The following CPEB3 variants were observed in gnomAD, a reference collection of about 807,000 sequenced individuals.
The protein encoded by CPEB3 is cytoplasmic polyadenylation element-binding protein 3.
CPEB3 carries 20 observed loss-of-function variants against 67.2 expected under a neutral mutation model. The observed-to-expected ratio is 0.30, with a 90% CI of 0.21 to 0.43. The LOEUF (loss-of-function observed/expected upper bound fraction) is 0.43. Ranked by LOEUF, CPEB3 falls within the 20% of genes least tolerant of loss-of-function variation. The pLI, the probability that CPEB3 is intolerant of heterozygous loss-of-function variation, is 1.00. For synonymous variants in CPEB3, 376 were observed against 393.1 expected (o/e 0.96, Z 0.51); for missense variants, 746 against 968.6 (o/e 0.77, Z 3.05).
chr10:92,143,130 A>G lies in CPEB3; in HGVS notation c.1364-12T>C. The G allele has an allele frequency of 6.2e-7, 1 of 1,603,044 alleles. No individual in the cohort carries two copies. Reference sequence around the variant, plus strand: ...GGCAGTGATCTCATCTACAAAACAAAGAAAGAATCTTAGCAAAAGAGAAAA... The same window carrying G: ...GGCAGTGATCTCATCTACAAAACAAGGAAAGAATCTTAGCAAAAGAGAAAA... On this transcript the variant is annotated splice_polypyrimidine_tract_variant and intron_variant, in intron 5 of 9. Transcript: ENST00000265997.
intron 1 of CPEB3, among the ~76,000 whole-genome samples, chr10:92,287,115 AATATCATTT>A (rs1249385345): frequency 4.0e-5 from 6 of 151,714 alleles, no homozygotes; most frequent in African/African-American, 7.2e-5. Context: ...CTCTTGGCTG[AATATCATTT>A]ATCATAGACT....
intron 6 of CPEB3, among the ~76,000 whole-genome samples, chr10:92,116,384 G>A (rs1845032087): frequency 6.6e-6 from 1 of 151,932 alleles, no homozygotes; most frequent in Non-Finnish European, 1.5e-5. Context: ...ATGACAGGCT[G>A]AATATTACTG....
intron 4 of CPEB3, among the ~76,000 whole-genome samples, chr10:92,166,324 G>A (rs1282208520): frequency 2.0e-5 from 3 of 152,004 alleles, no homozygotes; most frequent in African/African-American, 7.3e-5. Context: ...GACCAGGCTG[G>A]TCTCAAACTC....
chr10:92,121,539 A>C (rs966168265), intron 6 of CPEB3, among the ~76,000 whole-genome samples: 2 of 151,610 alleles, frequency 1.3e-5, no homozygotes, highest in Non-Finnish European at 2.9e-5. Context: ...TTTAAATAAA[A>C]ATTTGTGGAA....
intron 1 of CPEB3, among the ~76,000 whole-genome samples, chr10:92,284,544 C>T (rs922096601): frequency 3.9e-5 from 6 of 152,008 alleles, no homozygotes; most frequent in South Asian, 2.1e-4. Flanking sequence ...CATTTGTACA[C>T]GCTGTTCTTT....
intron 9 of CPEB3, among the ~76,000 whole-genome samples, chr10:92,079,070 A>G (rs1419527679): frequency 6.6e-6 from 1 of 152,138 alleles, no homozygotes; most frequent in Non-Finnish European, 1.5e-5. Flanking sequence ...AGAAAAAAGA[A>G]AGCTACTTCC....
intron 7 of CPEB3, among the ~76,000 whole-genome samples, chr10:92,104,934 G>T (rs191940479): frequency 1.3e-5 from 2 of 151,632 alleles, no homozygotes; most frequent in Admixed American, 1.3e-4. Context: ...CAGGGGTCTC[G>T]CTGTTGCCTA....
At chr10:92,118,596 G>T in intron 6 of CPEB3, 1 of 380,084 alleles carries the variant, frequency 2.6e-6, no homozygotes, top group East Asian at 5.6e-5. Context: ...AAAAAGCCTA[G>T]GGAACTGTCT....
At chr10:92,118,171 G>A (rs1304577831) in intron 6 of CPEB3, among the ~76,000 whole-genome samples, 1 of 152,112 alleles carries the variant, frequency 6.6e-6, no homozygotes, top group Non-Finnish European at 1.5e-5. Flanking sequence ...CGCTCTTGTT[G>A]CCCAGGCTGG....
rs1847467727 is a variant in CPEB3, at chr10:92,161,366, G to C, written c.1223-16281C>G. On this transcript the variant is annotated intron_variant, in intron 4 of 9. Transcript: ENST00000265997. ...GGCTCACTGCAACCTCTGCCTCCTG[G>C]ATTCAACCGATTCTCCTGCCTCAGC... is the stretch of plus-strand genomic sequence containing the variant. 2.0e-5 allele frequency among the ~76,000 whole-genome samples: 3 copies of C among 152,026 alleles called. No individual in the cohort carries two copies. In the South Asian group the frequency reaches 6.2e-4, roughly 32 times the overall value.
intron 2 of CPEB3, among the ~76,000 whole-genome samples, chr10:92,196,946 G>C (rs968986848): frequency 4.6e-5 from 7 of 151,586 alleles, no homozygotes; most frequent in African/African-American, 9.7e-5. Context: ...AAAAAAAAAG[G>C]GTAGGGGATA....
At chr10:92,173,714 T>G (rs1253008545) in intron 4 of CPEB3, among the ~76,000 whole-genome samples, 1 of 152,190 alleles carries the variant, frequency 6.6e-6, no homozygotes, top group Non-Finnish European at 1.5e-5. Context: ...AGCTTTCCAG[T>G]CTGTAAAATG....
intron 2 of CPEB3, among the ~76,000 whole-genome samples, chr10:92,206,186 C>A (rs1372091571): frequency 6.6e-6 from 1 of 151,866 alleles, no homozygotes; most frequent in Admixed American, 6.6e-5. Flanking sequence ...ATTCTCCTGC[C>A]TCAGCCTCCC....
At chr10:92,080,786 G>A (rs61875186) in intron 9 of CPEB3, among the ~76,000 whole-genome samples, 7,132 of 151,814 alleles carry the variant, frequency 0.047, 251 homozygotes, top group Non-Finnish European at 0.068. Context: ...TAGTAGAGAC[G>A]GGGTTTCACC....
chr10:92,171,375 C>T (rs1847992764), intron 4 of CPEB3, among the ~76,000 whole-genome samples: 1 of 152,214 alleles, frequency 6.6e-6, no homozygotes, highest in African/African-American at 2.4e-5. Flanking sequence ...TTCGTTCATC[C>T]TCAAATAAAG....
intron 2 of CPEB3, among the ~76,000 whole-genome samples, chr10:92,214,052 T>C (rs561521106): frequency 6.6e-6 from 1 of 152,310 alleles, no homozygotes; most frequent in South Asian, 2.1e-4. Context: ...ACAACCATTT[T>C]CATTTTCCAC....
intron 7 of CPEB3, among the ~76,000 whole-genome samples, chr10:92,094,459 G>A (rs552881884): frequency 5.9e-5 from 9 of 152,008 alleles, no homozygotes; most frequent in South Asian, 2.1e-4. Flanking sequence ...AAAATTAGCC[G>A]GGCGTGGTAG....
chr10:92,230,396 T>C (rs562589107), intron 2 of CPEB3, among the ~76,000 whole-genome samples: 1 of 152,328 alleles, frequency 6.6e-6, no homozygotes, highest in East Asian at 1.9e-4. Flanking sequence ...CTATGATCAC[T>C]TCAAATAATA....
intron 9 of CPEB3, among the ~76,000 whole-genome samples, chr10:92,060,914 T>G (rs1842318304): frequency 6.6e-6 from 1 of 152,204 alleles, no homozygotes; most frequent in Non-Finnish European, 1.5e-5. Flanking sequence ...CACTGTTGGT[T>G]GGAATGAAAA....
Sources: allele counts gnomAD v4.1 joint callset (sites outside exome capture counted in the v4.1 genomes callset), GRCh38; gene constraint gnomAD v4.1.1; transcripts MANE v1.5; gene names NCBI Gene and HGNC (gene_info 2026-07-23, HGNC 2026-07-21).